The following ALK variants were observed in gnomAD, a reference collection of about 807,000 sequenced individuals.
The protein encoded by ALK is ALK tyrosine kinase receptor.
Under a neutral mutation model 163.1 loss-of-function variants are expected in ALK, and 74 were observed. The observed-to-expected ratio is 0.45, with a 90% confidence interval of 0.38 to 0.55. The LOEUF (loss-of-function observed/expected upper bound fraction) is 0.55. Ranked by LOEUF, ALK falls within the 20% of genes least tolerant of loss-of-function variation. The pLI, the probability that ALK is intolerant of heterozygous loss-of-function variation, is 0.00. For missense variants in ALK, 2,063 were observed against 2,105.3 expected, an observed-to-expected ratio of 0.98 and a Z score of 0.39; for synonymous variants, 960 against 843.2, an observed-to-expected ratio of 1.14 and a Z score of -2.40.
In ALK at chr2:29,318,338, G is replaced by T; in HGVS notation, c.1613C>A (p.Thr538Lys). Residue 538 changes from threonine (T) to lysine (K), a missense_variant, in exon 8 of 29, where the codon ACG becomes AAG. This residue lies in a region of ALK where 987 missense variants were observed against 939.5 expected (regional missense o/e 1.05). Transcript: ENST00000389048. ...ASESATVTSA[T>K]FPAPIKSSPC... Reference sequence around the variant, plus strand: ...AGAGCTCTTGATCGGTGCAGGAAACGTAGCACTGGTCACTGTAGCACTTTC... The same window carrying T: ...AGAGCTCTTGATCGGTGCAGGAAACTTAGCACTGGTCACTGTAGCACTTTC... The T allele has an allele frequency of 6.2e-7, 1 of 1,613,964 alleles. No individual in the cohort carries two copies. The highest frequency in any genetic ancestry group is 1.1e-5 in the South Asian group (1 of 91,080).
At chr2:29,718,557 C>G (rs1181793844) in intron 1 of ALK, among the ~76,000 whole-genome samples, 1 of 152,252 alleles carries the variant, frequency 6.6e-6, no homozygotes, top group East Asian at 1.9e-4. Flanking sequence ...AGACTGAGTG[C>G]AGGGAGGAGG....
chr2:29,554,185 T>C (rs1264189587), intron 3 of ALK, among the ~76,000 whole-genome samples: 2 of 152,232 alleles, frequency 1.3e-5, no homozygotes, highest in African/African-American at 4.8e-5. Context: ...CCTTGCTTTA[T>C]GGATCTTTGG....
intron 2 of ALK, among the ~76,000 whole-genome samples, chr2:29,707,957 T>A (rs975607577): frequency 6.6e-6 from 1 of 152,222 alleles, no homozygotes; most frequent in African/African-American, 2.4e-5. Flanking sequence ...TGGGAATTCA[T>A]TCCACATCTC....
At chr2:29,414,019 C>G (rs925719058) in intron 4 of ALK, among the ~76,000 whole-genome samples, 1 of 152,168 alleles carries the variant, frequency 6.6e-6, no homozygotes, top group African/African-American at 2.4e-5. Flanking sequence ...ATGTGCTATA[C>G]TTTTATCCAA....
At chr2:29,696,503 G>C (rs534897553) in intron 2 of ALK, among the ~76,000 whole-genome samples, 1 of 132,260 alleles carries the variant, frequency 7.6e-6, no homozygotes, top group African/African-American at 2.9e-5. Flanking sequence ...CTGCATGTTC[G>C]CACATGTATC....
chr2:29,439,018 A>C (rs1338463674), intron 4 of ALK, among the ~76,000 whole-genome samples: 1 of 152,188 alleles, frequency 6.6e-6, no homozygotes, highest in African/African-American at 2.4e-5. Context: ...TGTAGCCCAG[A>C]TATTGTTGCT....
At chr2:29,749,681 C>G (rs1172225365) in intron 1 of ALK, among the ~76,000 whole-genome samples, 1 of 152,196 alleles carries the variant, frequency 6.6e-6, no homozygotes, top group African/African-American at 2.4e-5. Flanking sequence ...GGCTCCCCCA[C>G]AGCCCACAGC....
At chr2:29,284,140 G>A (rs1407201805) in intron 9 of ALK, among the ~76,000 whole-genome samples, 1 of 152,178 alleles carries the variant, frequency 6.6e-6, no homozygotes. Flanking sequence ...GTAGAACTAT[G>A]GGCGAAACTC....
intron 4 of ALK, among the ~76,000 whole-genome samples, chr2:29,474,702 G>T (rs1671459468): frequency 6.6e-6 from 1 of 152,172 alleles, no homozygotes; most frequent in Non-Finnish European, 1.5e-5. Flanking sequence ...AATATGCTGT[G>T]TTTCACAAGA....
chr2:29,876,676 A>AGGCGG (rs1666725894), intron 1 of ALK, among the ~76,000 whole-genome samples: 1 of 132,022 alleles, frequency 7.6e-6, no homozygotes, highest in African/African-American at 2.9e-5. Flanking sequence ...GATGATGGTA[A>AGGCGG]CGATGGTGAT....
At chr2:29,239,062 G>T (rs1317696104) in intron 13 of ALK, among the ~76,000 whole-genome samples, 2 of 152,196 alleles carry the variant, frequency 1.3e-5, no homozygotes, top group Non-Finnish European at 2.9e-5. Context: ...CCCAATTATA[G>T]TTGCTAAATA....
intron 1 of ALK, among the ~76,000 whole-genome samples, chr2:29,861,173 A>G (rs1016250210): frequency 2.0e-5 from 3 of 152,334 alleles, no homozygotes; most frequent in Non-Finnish European, 2.9e-5. Flanking sequence ...CCTTGCCTCA[A>G]AAAGAAGGAG....
At chr2:29,556,365 G>T (rs113257292) in intron 3 of ALK, among the ~76,000 whole-genome samples, 2,394 of 152,308 alleles carry the variant, frequency 0.016, 68 homozygotes, top group African/African-American at 0.054. Flanking sequence ...AGCACACTGT[G>T]TGGCATTCAG....
intron 1 of ALK, among the ~76,000 whole-genome samples, chr2:29,912,838 C>G (rs1667742523): frequency 6.6e-6 from 1 of 152,116 alleles, no homozygotes; most frequent in Non-Finnish European, 1.5e-5. Context: ...CCACAGAACA[C>G]TTACTTTACT....
At chr2:29,812,294 A>G (rs1055838003) in intron 1 of ALK, among the ~76,000 whole-genome samples, 1 of 152,176 alleles carries the variant, frequency 6.6e-6, no homozygotes, top group Non-Finnish European at 1.5e-5. Context: ...GTAAGAGGGT[A>G]AGAGAGGAGG....
chr2:29,493,400 C>T (rs6547936), intron 4 of ALK, among the ~76,000 whole-genome samples: 123,973 of 152,136 alleles, frequency 0.81, 50,832 homozygotes, highest in Non-Finnish European at 0.86. Context: ...CAGAGAGTCA[C>T]GTATCGTGTT....
At chr2:29,546,172 G>A (rs751123040) in intron 3 of ALK, among the ~76,000 whole-genome samples, 1 of 152,118 alleles carries the variant, frequency 6.6e-6, no homozygotes, top group Non-Finnish European at 1.5e-5. Context: ...GTTAAAATCT[G>A]ACCCTGTTAG....
rs1163395140 is a variant in ALK at position 29,647,002 on chromosome 2, T to C, written c.952+47848A>G. 5.9e-5 allele frequency among the ~76,000 whole-genome samples: 9 copies of C among 152,174 alleles called. 1 individual carries two copies. The highest frequency in any genetic ancestry group is 5.9e-4 in the Admixed American group (9 of 15,270). ...TCCTTGCACTGTTGTATTGAATCAA[T>C]GTGTGTTGAACAAATAATTGTGGGG... On this transcript the variant is annotated intron_variant, in intron 3 of 28. Transcript: ENST00000389048.
intron 4 of ALK, among the ~76,000 whole-genome samples, chr2:29,489,205 A>C (rs566252114): frequency 6.6e-6 from 1 of 152,326 alleles, no homozygotes; most frequent in East Asian, 1.9e-4. Context: ...TTCTATCCCT[A>C]AGGCTTGGCA....
Sources: gnomAD v4.1 joint callset for allele counts (sites outside exome capture counted in the v4.1 genomes callset) on GRCh38, gnomAD v4.1.1 for gene constraint, gnomAD v4.1.1 regional missense constraint, MANE v1.5 for transcripts, NCBI Gene and HGNC (gene_info 2026-07-23, HGNC 2026-07-21) for gene names.